Variants in ADRA1A observed in about 807,000 individuals in gnomAD.
ADRA1A encodes adrenoceptor alpha 1A.
ADRA1A carries 31 observed loss-of-function variants against 29.6 expected under a neutral mutation model. The observed-to-expected ratio is 1.05, with a 90% CI of 0.79 to 1.41. The LOEUF (loss-of-function observed/expected upper bound fraction) is 1.41, where lower values mean the gene tolerates loss of function less well. Among genes scored for constraint, ADRA1A ranks in the 40% most tolerant of loss-of-function variants. The probability of loss-of-function intolerance (pLI) is 0.00; values close to 1 mark genes in which losing one functional copy is unlikely to be tolerated. For missense variants in ADRA1A, 619 were observed against 601.1 expected (o/e 1.03, Z -0.31); for synonymous variants, 311 against 254.3 (o/e 1.22, Z -2.12).
chr8:26,825,865 C>T lies in ADRA1A; in HGVS notation c.883+38222G>A, dbSNP rs554166887. Among the ~76,000 whole-genome samples the T allele has an allele frequency of 3.9e-5, 6 of 152,350 alleles. No individual in the cohort carries two copies. The highest frequency in any genetic ancestry group is 8.8e-5 in the Non-Finnish European group (6 of 68,036). On this transcript the variant is annotated intron_variant, in intron 2 of 2. Transcript: ENST00000380573. The surrounding 1 kb of genome is among the most constrained non-coding windows in gnomAD (Gnocchi z 5.7). Reference sequence around the variant, plus strand: ...ACAGAAAATCGACTTCCAAGTTCTGCGCACTGGTGTTTGCATGAGGACATG... The same window carrying T: ...ACAGAAAATCGACTTCCAAGTTCTGTGCACTGGTGTTTGCATGAGGACATG...
At chr8:26,786,469 T>C (rs1205140757) in intron 2 of ADRA1A, among the ~76,000 whole-genome samples, 1 of 151,880 alleles carries the variant, frequency 6.6e-6, no homozygotes, top group South Asian at 2.1e-4. Context: ...TTGCAAGAGA[T>C]GTACTCCATT....
At chr8:26,811,247 C>T (rs987571239) in intron 2 of ADRA1A, among the ~76,000 whole-genome samples, 1 of 151,022 alleles carries the variant, frequency 6.6e-6, no homozygotes, top group Admixed American at 6.7e-5. Context: ...GGCTGGAGTG[C>T]AGTGGCGCGA....
chr8:26,839,493 G>T (rs1490218003), intron 2 of ADRA1A, among the ~76,000 whole-genome samples: 2 of 152,068 alleles, frequency 1.3e-5, no homozygotes, highest in African/African-American at 4.8e-5. Context: ...CTTCAAACTG[G>T]AAAACCAGCC....
At chr8:26,755,052 T>C (rs116854566), downstream of ADRA1A, among the ~76,000 whole-genome samples, 2,003 of 152,334 alleles carry the variant, frequency 0.013, 23 homozygotes, top group South Asian at 0.021. Flanking sequence ...CTAAAAACAA[T>C]TTCTCAATTA....
At chr8:26,850,644 T>G (rs910561449) in intron 2 of ADRA1A, among the ~76,000 whole-genome samples, 1 of 152,140 alleles carries the variant, frequency 6.6e-6, no homozygotes, top group African/African-American at 2.4e-5. Flanking sequence ...TACAGGTGTG[T>G]GCCACCACGC....
downstream of ADRA1A, among the ~76,000 whole-genome samples, chr8:26,762,827 G>T (rs145097926): frequency 5.4e-4 from 82 of 152,216 alleles, no homozygotes; most frequent in African/African-American, 2.0e-3. This position sits in a 1 kb window ranked among gnomAD's most constrained non-coding sequence, Gnocchi z 4.0. Flanking sequence ...TGTGAACACC[G>T]TGCCCTCGGC....
intron 2 of ADRA1A, among the ~76,000 whole-genome samples, chr8:26,759,338 T>G (rs544633110): frequency 6.6e-6 from 1 of 152,340 alleles, no homozygotes; most frequent in South Asian, 2.1e-4. Context: ...GGGACCTCAG[T>G]TTTTATTCAA....
intron 2 of ADRA1A, chr8:26,779,394 G>A (rs1806788526): frequency 1.4e-6 from 1 of 702,536 alleles, no homozygotes; most frequent in Non-Finnish European, 2.6e-6. Context: ...AAAGCTGGGT[G>A]AGTCATTTTT....
At chr8:26,792,411 CAGGT>C (rs1385706747) in intron 2 of ADRA1A, among the ~76,000 whole-genome samples, 1 of 151,872 alleles carries the variant, frequency 6.6e-6, no homozygotes, top group Non-Finnish European at 1.5e-5. Context: ...GGTAAGAAAA[CAGGT>C]AGAAAAGAAG....
At position 26,748,627 on chromosome 8, in the gene ADRA1A, C is replaced by A. The variant is rs558772084; in HGVS notation, c.1391G>T (p.Gly464Val). ...GGTGGCGTCGGCCTGGTGGCACATC[C>A]CTGTAGTCCCAGCTGCTTGGGAGGC... The change falls in exon 3 of 3, where the codon GGG (glycine) becomes GTG (valine). Residue 464 changes from glycine to valine, a missense_variant. Coordinates refer to the ADRA1A transcript ENST00000380586. 103 of 408,544 alleles carry A rather than the reference C, an allele frequency of 2.5e-4. 2 individuals are homozygous for A. The highest frequency in any genetic ancestry group is 1.9e-3 in the African/African-American group (89 of 46,802). The allele number at this position is 408,544 out of a possible 1,614,324, so 25.3% of individuals were successfully genotyped here. A position where few individuals can be genotyped will look rare whatever the true frequency, so the allele number is the denominator to read the frequency against.
intron 2 of ADRA1A, among the ~76,000 whole-genome samples, chr8:26,808,765 TAACA>T (rs1563269125): frequency 6.6e-6 from 1 of 152,274 alleles, no homozygotes; most frequent in Non-Finnish European, 1.5e-5. Flanking sequence ...CCATTGGGTG[TAACA>T]AACACATTGT....
intron 2 of ADRA1A, among the ~76,000 whole-genome samples, chr8:26,795,320 C>T (rs1001539327): frequency 6.6e-6 from 1 of 152,032 alleles, no homozygotes; most frequent in African/African-American, 2.4e-5. Context: ...GATTAAAAAT[C>T]GCTGCAAGGA....
intron 2 of ADRA1A, among the ~76,000 whole-genome samples, chr8:26,771,396 T>G (rs1427328501): frequency 1.3e-5 from 2 of 151,786 alleles, no homozygotes; most frequent in African/African-American, 4.9e-5. Context: ...CTCACTACAC[T>G]TTTTCTCCAG....
downstream of ADRA1A, among the ~76,000 whole-genome samples, chr8:26,754,321 A>G (rs964951530): frequency 6.6e-6 from 1 of 152,228 alleles, no homozygotes; most frequent in African/African-American, 2.4e-5. Flanking sequence ...TCCCTTGAAT[A>G]GTATAGCGTG....
chr8:26,808,721 G>A (rs1166624897), intron 2 of ADRA1A, among the ~76,000 whole-genome samples: 2 of 152,218 alleles, frequency 1.3e-5, no homozygotes, highest in African/African-American at 4.8e-5. Context: ...AACTTCAGTT[G>A]CCTGTGATTT....
intron 2 of ADRA1A, among the ~76,000 whole-genome samples, chr8:26,814,752 T>A (rs1809648167): frequency 6.6e-6 from 1 of 152,238 alleles, no homozygotes; most frequent in South Asian, 2.1e-4. Context: ...TGGTGGTTAC[T>A]TTAGGATGGT....
Position 26,860,898 on chromosome 8 carries a change from A to G in ADRA1A, c.883+3189T>C, listed in dbSNP as rs1813404950. On this transcript the variant is annotated intron_variant, in intron 2 of 2. Coordinates refer to ENST00000380573, the MANE Select transcript of ADRA1A (RefSeq NM_000680.4). This position sits in a 1 kb window ranked among gnomAD's most constrained non-coding sequence, Gnocchi z 4.7. ...TCCCACCATTGAAAGCTCTCTCTAT[A>G]CCCCTCCAGCTACACCGCATCTCCT... Among the ~76,000 whole-genome samples the G allele has an allele frequency of 6.6e-6, 1 of 151,806 alleles. No individual in the cohort carries two copies. Among genetic ancestry groups the G allele is most frequent in the South Asian group, 2.1e-4 (1 of 4,796 alleles).
Position 26,768,895 on chromosome 8 carries a change from A to G in ADRA1A, c.*1254T>C, listed in dbSNP as rs1353409448. Reference sequence around the variant, plus strand: ...CCCAAGCTCTTGCAGAAAAGTAGGAATAGATGAAGTTGAGTTGACTACTGG... The same window carrying G: ...CCCAAGCTCTTGCAGAAAAGTAGGAGTAGATGAAGTTGAGTTGACTACTGG... On this transcript the variant is annotated 3_prime_UTR_variant, in exon 3 of 3. Transcript: ENST00000380573. The G allele has an allele frequency of 1.0e-6, 1 of 985,364 alleles. No homozygotes were observed. The highest frequency in any genetic ancestry group is 1.2e-6 in the Non-Finnish European group (1 of 829,944). 61.0% of individuals were successfully genotyped at this position (985,364 alleles called of 1,614,324 possible).
chr8:26,750,284 C>T lies in ADRA1A; in HGVS notation c.1270-1536G>A, dbSNP rs191326368. On this transcript the variant is annotated intron_variant, in intron 2 of 2. Transcript: ENST00000380586. ...TGGCATGATTTCCGCTCACTGCAGC[C>T]TCTGCTTCCTGGGTTCAAGCCATTC... Among the ~76,000 whole-genome samples, 359 of 152,270 alleles carry T rather than the reference C, an allele frequency of 2.4e-3. 1 individual carries two copies. Among genetic ancestry groups the T allele is most frequent in the African/African-American group, 8.1e-3 (336 of 41,546 alleles).
Sources: allele counts gnomAD v4.1 joint callset (sites outside exome capture counted in the v4.1 genomes callset), GRCh38; gene constraint gnomAD v4.1.1; non-coding constraint Gnocchi (gnomAD v3.1); transcripts MANE v1.5; gene names NCBI Gene and HGNC (gene_info 2026-07-23, HGNC 2026-07-21).